SUMO2: variants seen among roughly 807,000 people sequenced by gnomAD.
SUMO2 encodes small ubiquitin-related modifier 2.
SUMO2 carries 1 observed loss-of-function variant against 16.0 expected under a neutral mutation model. That is an observed-to-expected ratio of 0.06 (90% CI 0.02 to 0.30). The LOEUF is 0.30. Among genes scored for constraint, SUMO2 ranks in the 10% least tolerant of loss-of-function variants. The pLI, the probability that SUMO2 is intolerant of heterozygous loss-of-function variation, is 1.00. For missense variants in SUMO2, 16 were observed against 117.5 expected, an observed-to-expected ratio of 0.14 and a Z score of 3.99; for synonymous variants, 36 against 40.6, an observed-to-expected ratio of 0.89 and a Z score of 0.43.
At chr17:75,178,524 A>AG (rs1463918142) in intron 2 of SUMO2, among the ~76,000 whole-genome samples, 9 of 150,680 alleles carry the variant, frequency 6.0e-5, no homozygotes, top group Non-Finnish European at 7.4e-5. Flanking sequence ...AAAAAAAAAA[A>AG]AAAGAAAAGA....
At chr17:75,171,118 A>C (rs1356723282) in intron 3 of SUMO2, among the ~76,000 whole-genome samples, 1 of 150,480 alleles carries the variant, frequency 6.6e-6, no homozygotes, top group African/African-American at 2.4e-5. Flanking sequence ...TTATTGTATG[A>C]CTACATTTGT....
intron 3 of SUMO2, among the ~76,000 whole-genome samples, chr17:75,168,752 G>A (rs555352648): frequency 2.0e-5 from 3 of 152,060 alleles, no homozygotes; most frequent in East Asian, 1.9e-4. Flanking sequence ...ACAGGCATCC[G>A]CCACCATGCC....
intron 3 of SUMO2, among the ~76,000 whole-genome samples, chr17:75,172,141 CCG>C (rs1462183248): frequency 6.6e-6 from 1 of 151,818 alleles, no homozygotes; most frequent in Admixed American, 6.6e-5. Flanking sequence ...GCTCAATCTC[CCG>C]AGTAGCTGGG....
rs1340792578 is a variant in SUMO2 at position 75,172,335 on chromosome 17, T to TTA, written c.225+2416_225+2417insTA. On this transcript the variant is annotated intron_variant, in intron 3 of 3. Transcript: ENST00000420826. ...GCTACTGTACCCAGACTTTTTTTTT[T>TTA]TTTTTTTTGAGACAGGGGCTGTTAC... Among the ~76,000 whole-genome samples, 4 of 150,764 alleles carry TTA rather than the reference T, an allele frequency of 2.7e-5. No homozygotes were observed. In the East Asian group the frequency reaches 7.8e-4, roughly 30 times the overall value.
chr17:75,176,029 GTTAGACAAGGAAA>G (rs1171806256), intron 2 of SUMO2, among the ~76,000 whole-genome samples: 4 of 151,558 alleles, frequency 2.6e-5, no homozygotes, highest in Admixed American at 1.3e-4. Context: ...ATTTAAATGA[GTTAGACAAGGAAA>G]TGAAATTTTT....
At chr17:75,172,639 C>G (rs2074750583) in intron 3 of SUMO2, among the ~76,000 whole-genome samples, 1 of 151,604 alleles carries the variant, frequency 6.6e-6, no homozygotes, top group South Asian at 2.1e-4. Context: ...CCACACCCAG[C>G]TAATTTTGTA....
intron 2 of SUMO2, among the ~76,000 whole-genome samples, chr17:75,178,204 A>T: frequency 6.6e-6 from 1 of 151,550 alleles, no homozygotes; most frequent in South Asian, 2.1e-4. Flanking sequence ...AGAAAAGTTA[A>T]ATAAGATATG....
intron 2 of SUMO2, among the ~76,000 whole-genome samples, chr17:75,175,414 G>A (rs1363435621): frequency 6.6e-6 from 1 of 151,732 alleles, no homozygotes; most frequent in African/African-American, 2.4e-5. Flanking sequence ...TCCACCTTTT[G>A]GGTTCAAGCA....
intron 2 of SUMO2, among the ~76,000 whole-genome samples, chr17:75,178,311 C>G (rs1232891443): frequency 1.3e-5 from 2 of 151,762 alleles, no homozygotes; most frequent in Non-Finnish European, 2.9e-5. Context: ...GTCAAGAGAT[C>G]GAGATCATCC....
At chr17:75,181,227 G>C in intron 1 of SUMO2, 39 bp from the exon 2 acceptor site, 1 of 1,605,476 alleles carries the variant, frequency 6.2e-7, no homozygotes, top group Non-Finnish European at 8.5e-7. Flanking sequence ...TGGGAAATGT[G>C]ATCAACGAAC....
intron 3 of SUMO2, among the ~76,000 whole-genome samples, chr17:75,172,542 G>A (rs947121320): frequency 7.5e-5 from 11 of 147,174 alleles, no homozygotes; most frequent in Non-Finnish European, 1.6e-4. Flanking sequence ...GTGCAATGGC[G>A]TGATCTCCGG....
At chr17:75,181,245 A>G in intron 1 of SUMO2, 57 bp from the exon 2 acceptor site, 1 of 1,583,212 alleles carries the variant, frequency 6.3e-7, no homozygotes, top group Non-Finnish European at 8.6e-7. Context: ...AACACGTTTT[A>G]TAAAGCAGCA....
chr17:75,180,392 T>TAAAAAAAA lies in SUMO2; in HGVS notation c.153+657_153+664dup, dbSNP rs58684188. On this transcript the variant is annotated intron_variant, in intron 2 of 3. Transcript: ENST00000420826. The stretch of plus-strand genomic sequence containing the variant: ...AAGAAATAGAGTGAGACTCCCAGCT[T>TAAAAAAAA]AAAAAAAAAAAAAAAAAAAAAAAAA... Among the ~76,000 whole-genome samples the TAAAAAAAA allele has an allele frequency of 3.6e-4, 16 of 44,872 alleles. 2 individuals carry two copies. In the South Asian group the frequency reaches 6.2e-3, roughly 17 times the overall value. 29.4% of individuals were successfully genotyped at this position (44,872 alleles called of 152,430 possible).
intron 1 of SUMO2, 108 bp downstream of exon 1, chr17:75,182,706 G>T (rs914561152): frequency 7.6e-5 from 76 of 996,820 alleles, no homozygotes; most frequent in Admixed American, 5.0e-4. Flanking sequence ...CCGGCCCCGT[G>T]GGGGGCCCGG....
intron 3 of SUMO2, among the ~76,000 whole-genome samples, chr17:75,171,105 A>G (rs1183182453): frequency 6.6e-6 from 1 of 150,384 alleles, no homozygotes; most frequent in Admixed American, 6.6e-5. Flanking sequence ...GGAGCAAAGC[A>G]GCTTATTGTA....
intron 2 of SUMO2, among the ~76,000 whole-genome samples, chr17:75,176,353 G>A (rs1399942596): frequency 6.6e-6 from 1 of 152,052 alleles, no homozygotes; most frequent in Non-Finnish European, 1.5e-5. Flanking sequence ...GAGCTCGGGG[G>A]CTCACACTGT....
chr17:75,170,112 G>A (rs1214824940), intron 3 of SUMO2, among the ~76,000 whole-genome samples: 4 of 151,940 alleles, frequency 2.6e-5, no homozygotes, highest in Admixed American at 1.3e-4. Context: ...AGGAGGTGGA[G>A]GTTGCAGTGA....
intron 2 of SUMO2, among the ~76,000 whole-genome samples, chr17:75,180,604 G>C (rs1330040158): frequency 1.3e-5 from 2 of 151,862 alleles, no homozygotes; most frequent in East Asian, 3.9e-4. Context: ...TGTAATCCCA[G>C]ATACTCAGGA....
At chr17:75,175,315 T>C (rs567574796) in intron 2 of SUMO2, among the ~76,000 whole-genome samples, 1 of 151,168 alleles carries the variant, frequency 6.6e-6, no homozygotes, top group African/African-American at 2.4e-5. Flanking sequence ...GATGTAGTAT[T>C]TTTTTTCCTT....
Sources: gnomAD v4.1 joint callset for allele counts (sites outside exome capture counted in the v4.1 genomes callset) on GRCh38, gnomAD v4.1.1 for gene constraint, MANE v1.5 for transcripts, NCBI Gene and HGNC (gene_info 2026-07-23, HGNC 2026-07-21) for gene names.